BRAF: variants seen among roughly 807,000 people sequenced by gnomAD.
The protein encoded by BRAF is serine/threonine-protein kinase B-raf.
In BRAF, 16 loss-of-function variants were observed where a neutral mutation model predicts 104.6. That is an observed-to-expected ratio of 0.15 (90% CI 0.10 to 0.23). The LOEUF (loss-of-function observed/expected upper bound fraction) is 0.23, where lower values mean the gene tolerates loss of function less well. Among genes scored for constraint, BRAF ranks in the 10% least tolerant of loss-of-function variants. The pLI, the probability that BRAF is intolerant of heterozygous loss-of-function variation, is 1.00. For missense variants in BRAF, 541 were observed against 937.3 expected (o/e 0.58, Z 5.52); for synonymous variants, 310 against 341.6 (o/e 0.91, Z 1.02).
intron 1 of BRAF, among the ~76,000 whole-genome samples, chr7:140,913,459 T>C (rs2129141565): frequency 6.7e-6 from 1 of 148,530 alleles, no homozygotes. Context: ...AAAGCAAATG[T>C]TAATCACAGC....
chr7:140,843,687 A>G (rs1263092446), intron 2 of BRAF, among the ~76,000 whole-genome samples: 1 of 152,100 alleles, frequency 6.6e-6, no homozygotes, highest in Non-Finnish European at 1.5e-5. Context: ...GTACATACCT[A>G]TATGTCTGTA....
chr7:140,890,295 A>C (rs991298198), intron 1 of BRAF, among the ~76,000 whole-genome samples: 1 of 152,202 alleles, frequency 6.6e-6, no homozygotes, highest in Admixed American at 6.5e-5. Flanking sequence ...TTACTATAAA[A>C]CTTTTTTGGG....
chr7:140,826,367 AC>A (rs1314710937), intron 3 of BRAF, among the ~76,000 whole-genome samples: 3 of 152,204 alleles, frequency 2.0e-5, no homozygotes, highest in Non-Finnish European at 4.4e-5. Flanking sequence ...CAACTCTATT[AC>A]AAAAAATTTC....
intron 5 of BRAF, among the ~76,000 whole-genome samples, chr7:140,803,402 T>A (rs1220803378): frequency 2.0e-5 from 3 of 152,116 alleles, no homozygotes; most frequent in Non-Finnish European, 4.4e-5. Context: ...GCTGACAGAA[T>A]CAGAACCCCT....
intron 5 of BRAF, among the ~76,000 whole-genome samples, chr7:140,805,961 C>G (rs1355628767): frequency 6.6e-6 from 1 of 152,168 alleles, no homozygotes. Context: ...AAGCTTACAA[C>G]TATTACATTT....
In BRAF at chr7:140,825,282, T is replaced by C. The variant is rs545027235; in HGVS notation, c.504+9327A>G. ...CGCACCCAGCCATTTGTTTTCTTAC[T>C]ATTGAGCTTTCAGAGTTCTTTATAT... is the stretch of plus-strand genomic sequence containing the variant. On this transcript the variant is annotated intron_variant, in intron 3 of 19. Transcript: ENST00000644969. Among the ~76,000 whole-genome samples, 25 of 152,308 alleles carry C rather than the reference T, an allele frequency of 1.6e-4. No homozygotes were observed. In the South Asian group the frequency reaches 5.0e-3, roughly 30 times the overall value.
At chr7:140,747,392 A>G (rs1797441277) in intron 17 of BRAF, 1 of 1,284,178 alleles carries the variant, frequency 7.8e-7, no homozygotes. Flanking sequence ...CATTCCTCTC[A>G]TGGAGAGTAA....
intron 1 of BRAF, among the ~76,000 whole-genome samples, chr7:140,851,442 TG>T (rs748903685): frequency 2.9e-4 from 44 of 152,026 alleles, no homozygotes; most frequent in South Asian, 6.2e-4. Context: ...GGGAAATAAA[TG>T]AAAAAAAAGA....
chr7:140,773,913 T>C (rs368013318), intron 14 of BRAF, among the ~76,000 whole-genome samples: 79 of 152,330 alleles, frequency 5.2e-4, no homozygotes, highest in African/African-American at 1.4e-3. Flanking sequence ...CCCATCCTTA[T>C]GTGTCCATGC....
chr7:140,878,218 G>T (rs1812481617), intron 1 of BRAF, among the ~76,000 whole-genome samples: 1 of 151,638 alleles, frequency 6.6e-6, no homozygotes, highest in Non-Finnish European at 1.5e-5. Context: ...ATGCTCAAAG[G>T]ACAATTTATA....
At chr7:140,781,385 C>G in intron 12 of BRAF, 191 bp downstream of exon 11, 1 of 613,210 alleles carries the variant, frequency 1.6e-6, no homozygotes, top group Non-Finnish European at 2.9e-6. Context: ...TGGTAGGAGT[C>G]CCGACTGCTG....
chr7:140,825,374 T>A (rs1805926575), intron 3 of BRAF, among the ~76,000 whole-genome samples: 1 of 152,160 alleles, frequency 6.6e-6, no homozygotes, highest in Admixed American at 6.6e-5. Flanking sequence ...CTCTTTTTAT[T>A]CTCTTAATAC....
intron 1 of BRAF, among the ~76,000 whole-genome samples, chr7:140,910,900 A>G (rs1033986917): frequency 3.3e-5 from 5 of 152,030 alleles, no homozygotes; most frequent in African/African-American, 1.2e-4. Context: ...CCTGGCTTCA[A>G]GCAGTCGTCC....
rs534459636 is a variant in BRAF, at chr7:140,821,196, C to T, written c.505-12201G>A. ...ACAGGGTCTGGTTACATTGCCCAGG[C>T]TGGTCTTGAACTCCTGGGCTCAAGC... On this transcript the variant is annotated intron_variant, in intron 3 of 19. Coordinates refer to ENST00000644969, the MANE Select transcript of BRAF (RefSeq NM_001374258.1). 7.9e-5 allele frequency among the ~76,000 whole-genome samples: 12 copies of T among 151,980 alleles called. No homozygotes were observed. The East Asian group carries it at 2.3e-3, about 29-fold the overall frequency.
At chr7:140,785,533 C>T (rs980823628) in intron 10 of BRAF, among the ~76,000 whole-genome samples, 9 of 152,158 alleles carry the variant, frequency 5.9e-5, no homozygotes, top group East Asian at 3.8e-4. Context: ...ACGTGTGAGA[C>T]GTACATTCAA....
chr7:140,852,574 C>G lies in BRAF; in HGVS notation c.139-2362G>C, dbSNP rs375061170. Among the ~76,000 whole-genome samples, 13 of 152,164 alleles carry G rather than the reference C, an allele frequency of 8.5e-5. No individual in the cohort carries two copies. The East Asian group carries it at 2.5e-3, about 29-fold the overall frequency. On this transcript the variant is annotated intron_variant, in intron 1 of 19. Coordinates refer to ENST00000644969, the MANE Select transcript of BRAF (RefSeq NM_001374258.1). ...ATTTCAATGTTTTCTTTCATGATGCCTTTGCTAATTTTTCATATCTCCAAA... is the reference window on the plus strand; with the variant it reads ...ATTTCAATGTTTTCTTTCATGATGCGTTTGCTAATTTTTCATATCTCCAAA...
intron 14 of BRAF, among the ~76,000 whole-genome samples, chr7:140,764,738 C>A (rs1209710780): frequency 6.6e-6 from 1 of 152,184 alleles, no homozygotes; most frequent in Non-Finnish European, 1.5e-5. Context: ...ACCCAACTTA[C>A]AAGGGATGTG....
At chr7:140,789,867 A>G (rs1223076188) in intron 8 of BRAF, among the ~76,000 whole-genome samples, 1 of 152,176 alleles carries the variant, frequency 6.6e-6, no homozygotes, top group African/African-American at 2.4e-5. Context: ...AGTAGCTAGG[A>G]TTACAGGCGC....
At chr7:140,759,228 G>A (rs1798461806) in intron 14 of BRAF, among the ~76,000 whole-genome samples, 2 of 152,170 alleles carry the variant, frequency 1.3e-5, no homozygotes, top group Non-Finnish European at 2.9e-5. Flanking sequence ...GGGTAATTAG[G>A]TAGGATTAGA....
Sources: allele counts gnomAD v4.1 joint callset (sites outside exome capture counted in the v4.1 genomes callset), GRCh38; gene constraint gnomAD v4.1.1; transcripts MANE v1.5; gene names NCBI Gene and HGNC (gene_info 2026-07-23, HGNC 2026-07-21).